The following ITGB3 variants were observed in gnomAD, a reference collection of about 807,000 sequenced individuals.
ITGB3 encodes the protein integrin subunit beta 3, also known as integrin beta-3.
Under a neutral mutation model 85.8 loss-of-function variants are expected in ITGB3, and 48 were observed. The ratio of observed to expected loss-of-function variants is 0.56; its 90% CI spans 0.44 to 0.71. The LOEUF is 0.71. Among genes scored for constraint, ITGB3 ranks in the 30% least tolerant of loss-of-function variants. The probability of loss-of-function intolerance (pLI) is 0.00; values close to 1 mark genes in which losing one functional copy is unlikely to be tolerated. For synonymous variants in ITGB3, 363 were observed against 395.6 expected (o/e 0.92, Z 0.98); for missense variants, 861 against 1,019.1 (o/e 0.84, Z 2.11).
At position 47,288,283 on chromosome 17, in the gene ITGB3, C is replaced by T. The variant is rs147090953; in HGVS notation, c.939+1052C>T. Among the ~76,000 whole-genome samples, 41 of 150,950 alleles carry T rather than the reference C, an allele frequency of 2.7e-4. No individual in the cohort carries two copies. In the East Asian group the frequency reaches 7.2e-3, roughly 27 times the overall value. On this transcript the variant is annotated intron_variant, in intron 6 of 14. Coordinates refer to ENST00000559488, the MANE Select transcript of ITGB3 (RefSeq NM_000212.3). ...TAAAAGGCATGGTGAACAGGTCCTA[C>T]GAGGAAAGATTAAAGGGCCAGAGTC...
At chr17:47,264,365 T>C (rs573891372) in intron 1 of ITGB3, among the ~76,000 whole-genome samples, 17 of 152,340 alleles carry the variant, frequency 1.1e-4, no homozygotes, top group African/African-American at 4.1e-4. Flanking sequence ...AGCAAGTCTT[T>C]AGATGGAACG....
At chr17:47,261,428 CAG>C (rs1362072985) in intron 1 of ITGB3, among the ~76,000 whole-genome samples, 2 of 151,818 alleles carry the variant, frequency 1.3e-5, no homozygotes, top group East Asian at 1.9e-4. Context: ...ATAGTTACTG[CAG>C]AGTTTTTTTC....
rs555420024 is a variant in ITGB3 at position 47,313,525 on chromosome 17, A to G, written c.*3321A>G. Among the ~76,000 whole-genome samples, 1 of 150,024 alleles carries G rather than the reference A, an allele frequency of 6.7e-6. No homozygotes were observed. The highest frequency in any genetic ancestry group is 2.5e-5 in the African/African-American group (1 of 40,782). ...CCACGCCCGGCTAATTTCTTTTTGT[A>G]TTTTTAGTAGAGACGGGGTTTCACG... On this transcript the variant is annotated 3_prime_UTR_variant, in exon 15 of 15. Coordinates refer to ENST00000559488, the MANE Select transcript of ITGB3 (RefSeq NM_000212.3).
chr17:47,299,074 G>A lies in ITGB3; in HGVS notation c.1691-234G>A, dbSNP rs1422101662. 6.6e-6 allele frequency among the ~76,000 whole-genome samples: 1 copy of A among 152,232 alleles called. No homozygotes were observed. Among genetic ancestry groups the A allele is most frequent in the East Asian group, 1.9e-4 (1 of 5,188 alleles). The stretch of plus-strand genomic sequence containing the variant: ...AAGAGGCCCAGGAGACTTAGTTCCT[G>A]AGAATCTTTTGCTCTACAGTGGCTC... On this transcript the variant is annotated intron_variant, in intron 10 of 14. Coordinates refer to ENST00000559488, the MANE Select transcript of ITGB3 (RefSeq NM_000212.3). The surrounding 1 kb of genome is among the most constrained non-coding windows in gnomAD (Gnocchi z 5.1).
chr17:47,258,410 A>G (rs2149058702), intron 1 of ITGB3, among the ~76,000 whole-genome samples: 1 of 151,770 alleles, frequency 6.6e-6, no homozygotes, highest in East Asian at 1.9e-4. Context: ...TTCTGTCCAC[A>G]CACACAGTCT....
chr17:47,283,470 C>G lies in ITGB3; in HGVS notation c.282C>G (p.Pro94=). 6.2e-7 allele frequency: 1 copy of G among 1,614,218 alleles called. No homozygotes were observed. The part of the protein sequence containing the change: ...VSEARVLEDR[P]LSDKGSGDSS... The stretch of plus-strand genomic sequence containing the variant: ...AGGCCCGAGTACTAGAGGACAGGCC[C>G]CTCAGCGACAAGGGCTCTGGAGACA... Residue 94 remains proline, a synonymous_variant, in exon 3 of 15, where the codon CCC becomes CCG. Coordinates refer to ENST00000559488, the MANE Select transcript of ITGB3 (RefSeq NM_000212.3).
At chr17:47,282,867 T>C (rs2065088686) in intron 2 of ITGB3, among the ~76,000 whole-genome samples, 1 of 152,232 alleles carries the variant, frequency 6.6e-6, no homozygotes, top group Non-Finnish European at 1.5e-5. Context: ...ATTTGTACAC[T>C]TTCATATTTT....
chr17:47,307,590 G>T lies in ITGB3; in HGVS notation c.2254G>T (p.Glu752Ter). The change falls in exon 14 of 15, where the codon GAA (glutamate) becomes TAA (stop). Residue 752 changes from glutamate to a stop codon, truncating the protein, a stop_gained. Transcript: ENST00000559488. LOFTEE classifies it high-confidence loss of function. ...KLLITIHDRK[E>*]FAKFEEERAR... Reference sequence around the variant, plus strand: ...CCTCATCACCATCCACGACCGAAAAGAATTCGCTAAATTTGAGGAAGAACG... The same window carrying T: ...CCTCATCACCATCCACGACCGAAAATAATTCGCTAAATTTGAGGAAGAACG... The T allele has an allele frequency of 6.2e-7, 1 of 1,614,180 alleles. No individual in the cohort carries two copies. The highest frequency in any genetic ancestry group is 1.6e-4 in the Middle Eastern group (1 of 6,062).
chr17:47,267,833 GA>G (rs2065030728), intron 1 of ITGB3, among the ~76,000 whole-genome samples: 1 of 152,132 alleles, frequency 6.6e-6, no homozygotes, highest in Non-Finnish European at 1.5e-5. Context: ...AATAGACTGG[GA>G]AAAGTCCTAA....
intron 1 of ITGB3, among the ~76,000 whole-genome samples, chr17:47,256,136 C>T (rs1408387807): frequency 6.6e-6 from 1 of 152,136 alleles, no homozygotes; most frequent in East Asian, 1.9e-4. Context: ...TTGGATTCCA[C>T]TGCATTGACA....
chr17:47,302,880 G>T (rs1241941204), intron 13 of ITGB3, 40 bp downstream of exon 13: 2 of 1,612,390 alleles, frequency 1.2e-6, no homozygotes, highest in East Asian at 4.5e-5. Flanking sequence ...GCCCCAGGAG[G>T]GAGAGGGAGA....
rs761903689 is a variant in ITGB3, at chr17:47,307,616, C to T, written c.2280C>T (p.Arg760=). The T allele has an allele frequency of 6.8e-6, 11 of 1,614,040 alleles. No homozygotes were observed. In the East Asian group the frequency reaches 8.9e-5, roughly 13 times the overall value. Residue 760 remains arginine (R), a synonymous_variant, in exon 14 of 15, where the codon CGC becomes CGT. Coordinates refer to ENST00000559488, the MANE Select transcript of ITGB3 (RefSeq NM_000212.3). The stretch of plus-strand genomic sequence containing the variant: ...AATTCGCTAAATTTGAGGAAGAACG[C>T]GCCAGAGCAAAATGGGACACAGTAA... ...RKEFAKFEEE[R]ARAKWDTANN...
chr17:47,292,422 G>T lies in ITGB3; in HGVS notation c.1544G>T (p.Arg515Leu), dbSNP rs13306487. 4 of 1,611,450 alleles carry T rather than the reference G, an allele frequency of 2.5e-6. No individual in the cohort carries two copies. In the African/African-American group the frequency reaches 4.0e-5, roughly 16 times the overall value. The part of the protein sequence containing the change: ...RPSQQDECSP[R>L]EGQPVCSQRG... ...TCCCAGCAGGACGAATGCAGCCCCC[G>T]GGAGGGTCAGCCCGTCTGCAGCCAG... is the stretch of plus-strand genomic sequence containing the variant. The change falls in exon 10 of 15, where the codon CGG becomes CTG. Residue 515 changes from arginine (R) to leucine (L), a missense_variant. Transcript: ENST00000559488.
At chr17:47,276,059 GA>G (rs2065062799) in intron 2 of ITGB3, among the ~76,000 whole-genome samples, 1 of 152,212 alleles carries the variant, frequency 6.6e-6, no homozygotes, top group South Asian at 2.1e-4. Flanking sequence ...GCTGAATGGG[GA>G]GGGGGGCCTT....
At chr17:47,288,206 A>AAGAGAGAGAGAGAGGGAGAG (rs2065110716) in intron 6 of ITGB3, among the ~76,000 whole-genome samples, 1 of 134,828 alleles carries the variant, frequency 7.4e-6, no homozygotes, top group African/African-American at 2.7e-5. Context: ...TTCTCTTAGA[A>AAGAGAGAGAGAGAGGGAGAG]AGAGAGAGAG....
At chr17:47,282,300 A>G (rs1234493256) in intron 2 of ITGB3, among the ~76,000 whole-genome samples, 1 of 152,172 alleles carries the variant, frequency 6.6e-6, no homozygotes, top group Non-Finnish European at 1.5e-5. Flanking sequence ...TACATTCATA[A>G]TGTCATGAAA....
intron 5 of ITGB3, 93 bp from the exon 6 acceptor site, chr17:47,286,977 G>T: frequency 7.4e-7 from 1 of 1,342,416 alleles, no homozygotes; most frequent in East Asian, 2.3e-5. Context: ...CAGCCCTTTA[G>T]CCAGGGAGCA....
At chr17:47,274,952 G>A (rs2065057863) in intron 2 of ITGB3, among the ~76,000 whole-genome samples, 1 of 152,136 alleles carries the variant, frequency 6.6e-6, no homozygotes. Flanking sequence ...CCCTTTGCTT[G>A]CATTTCTTGG....
At chr17:47,292,043 T>G (rs1258671348) in intron 9 of ITGB3, 96 bp from the exon 10 acceptor site, 5 of 1,305,574 alleles carry the variant, frequency 3.8e-6, no homozygotes, top group Non-Finnish European at 1.1e-6. Context: ...ATTTGGGTAT[T>G]CCTTGGCAGG....
Sources: gnomAD v4.1 joint callset for allele counts (sites outside exome capture counted in the v4.1 genomes callset) on GRCh38, gnomAD v4.1.1 for gene constraint, Gnocchi (gnomAD v3.1) non-coding constraint, MANE v1.5 for transcripts, NCBI Gene and HGNC (gene_info 2026-07-23, HGNC 2026-07-21) for gene names.